GBP6: variants seen among roughly 807,000 people sequenced by gnomAD.
The protein encoded by GBP6 is guanylate-binding protein 6.
GBP6 carries 54 observed loss-of-function variants against 61.5 expected under a neutral mutation model. The observed-to-expected ratio is 0.88, with a 90% CI of 0.71 to 1.10. The LOEUF is 1.10. GBP6 is among the 50% of genes least tolerant of loss of function. GBP6 has a pLI of 0.00. For synonymous variants in GBP6, 255 were observed against 273.7 expected (o/e 0.93, Z 0.67); for missense variants, 748 against 752.8 (o/e 0.99, Z 0.07).
At position 89,386,308 on chromosome 1, in the gene GBP6, A is replaced by G. The variant is rs1478896494; in HGVS notation, c.*839A>G. On this transcript the variant is annotated 3_prime_UTR_variant, in exon 11 of 11. Transcript: ENST00000370456. The stretch of plus-strand genomic sequence containing the variant: ...TATTGGCTCCTTCTGGGAAGAACCA[A>G]GTGAATGTAGGGGTTGAAGGAACAC... 6.6e-6 allele frequency: 1 copy of G among 152,234 alleles called. No homozygotes were observed. The highest frequency in any genetic ancestry group is 1.5e-5 in the Non-Finnish European group (1 of 68,048). 9.4% of individuals were successfully genotyped at this position (152,234 alleles called of 1,614,324 possible). A position where few individuals can be genotyped will look rare whatever the true frequency, so the allele number is the denominator to read the frequency against.
chr1:89,383,531 G>T, intron 8 of GBP6, 121 bp from the exon 9 acceptor site: 3 of 693,558 alleles, frequency 4.3e-6, no homozygotes, highest in East Asian at 2.7e-5. Context: ...CACTTTGTAG[G>T]GGGCCACTTT....
Position 89,385,691 on chromosome 1 carries a change from C to A in GBP6, c.*222C>A. On this transcript the variant is annotated 3_prime_UTR_variant, in exon 11 of 11. Transcript: ENST00000370456. ...GGGATTATAGGTGTACACCACCACA[C>A]CCAGCTAATTTTTGTATTTTTAGTA... The A allele has an allele frequency of 2.5e-6, 1 of 404,584 alleles. No individual in the cohort carries two copies. The allele number at this position is 404,584 out of a possible 1,614,324, so 25.1% of individuals were successfully genotyped here.
At chr1:89,367,888 G>C (rs182776972) in intron 1 of GBP6, among the ~76,000 whole-genome samples, 12 of 152,330 alleles carry the variant, frequency 7.9e-5, no homozygotes, top group Admixed American at 4.6e-4. Flanking sequence ...CTATGTCACT[G>C]AGTGGAGTGG....
At position 89,382,817 on chromosome 1, in the gene GBP6, A is replaced by C. The variant is rs750194971; in HGVS notation, c.1306A>C (p.Met436Leu). The C allele has an allele frequency of 1.9e-6, 3 of 1,614,036 alleles. No individual in the cohort carries two copies. Among genetic ancestry groups the C allele is most frequent in the Admixed American group, 1.7e-5 (1 of 60,014 alleles). The part of the protein sequence containing the change: ...FSVPGGHKLY[M>L]ETKERIEQDY... ...TGTTCCTGGAGGGCACAAGCTCTAC[A>C]TGGAAACAAAGGAAAGGATTGAACA... Residue 436 changes from methionine (M) to leucine (L), a missense_variant, in exon 8 of 11, where the codon ATG becomes CTG. Met to Leu is a conservative substitution (Grantham distance 15). Transcript: ENST00000370456.
intron 6 of GBP6, 24 bp downstream of exon 6, chr1:89,380,655 G>A: frequency 6.2e-7 from 1 of 1,608,872 alleles, no homozygotes; most frequent in Non-Finnish European, 8.5e-7. Context: ...TTACTTTTCT[G>A]TGGGGCCTCA....
At chr1:89,371,013 G>A (rs1341117069) in intron 3 of GBP6, among the ~76,000 whole-genome samples, 2 of 152,012 alleles carry the variant, frequency 1.3e-5, no homozygotes, top group African/African-American at 4.8e-5. Context: ...CCCAGCCCCT[G>A]GCAACCACTA....
chr1:89,377,022 G>A (rs1267188804), intron 3 of GBP6, among the ~76,000 whole-genome samples: 1 of 151,960 alleles, frequency 6.6e-6, no homozygotes, highest in Admixed American at 6.6e-5. Context: ...AAAATGAATA[G>A]GCTATTCTTC....
rs576630703 is a variant in GBP6, at chr1:89,364,676, AG to A, written c.-24+555del. Among the ~76,000 whole-genome samples the A allele has an allele frequency of 1.4e-4, 11 of 80,902 alleles. No homozygotes were observed. The East Asian group carries it at 2.8e-3, about 20-fold the overall frequency. 53.1% of individuals were successfully genotyped at this position (80,902 alleles called of 152,430 possible). Reference sequence around the variant, plus strand: ...GTGTGTGGGGAGGGGGTGGGGGAGGAGGGGGGTGTTAGTTTCCCATAGGAAC... The same window carrying A: ...GTGTGTGGGGAGGGGGTGGGGGAGGAGGGGGTGTTAGTTTCCCATAGGAAC... On this transcript the variant is annotated intron_variant, in intron 1 of 10. Coordinates refer to ENST00000370456, the MANE Select transcript of GBP6 (RefSeq NM_198460.3).
intron 1 of GBP6, among the ~76,000 whole-genome samples, chr1:89,366,586 A>G (rs1304124950): frequency 2.6e-5 from 4 of 152,216 alleles, no homozygotes; most frequent in Non-Finnish European, 5.9e-5. Flanking sequence ...TAGCATAACC[A>G]CTGTCTTTGA....
chr1:89,368,403 C>T lies in GBP6; in HGVS notation c.-23-126C>T. On this transcript the variant is annotated intron_variant, in intron 1 of 10. Transcript: ENST00000370456. ...GGAGAGTGATAAAAGAAGCCTTGTG[C>T]AGTCAGCTAATGCTAGATTACATGT... 6.6e-6 allele frequency: 4 copies of T among 603,948 alleles called. No homozygotes were observed. The South Asian group carries it at 7.4e-5, about 11-fold the overall frequency. The allele number at this position is 603,948 out of a possible 1,614,324, so 37.4% of individuals were successfully genotyped here. A position where few individuals can be genotyped will look rare whatever the true frequency, so the allele number is the denominator to read the frequency against.
At chr1:89,385,170 G>A in intron 10 of GBP6, 60 bp from the exon 11 acceptor site, 1 of 1,451,256 alleles carries the variant, frequency 6.9e-7, no homozygotes, top group Non-Finnish European at 9.4e-7. Context: ...AATACAAAAT[G>A]TAAGTCTTAA....
In GBP6 at chr1:89,378,447, G is replaced by C; in HGVS notation, c.459G>C (p.Lys153Asn). The change falls in exon 5 of 11, where the codon AAG becomes AAC. Residue 153 changes from lysine (K) to asparagine (N), a missense_variant. Physicochemically the swap from Lys to Asn is moderately conservative, Grantham distance 94. Transcript: ENST00000370456. ...HYVTELTELIKAKSSPRPDGV... is the reference protein window; with the variant it reads ...HYVTELTELINAKSSPRPDGV... ...TGACGGAGCTCACAGAACTAATTAA[G>C]GCAAAGTCCTCCCCAAGGCCTGATG... The C allele has an allele frequency of 1.2e-6, 2 of 1,614,080 alleles. No individual in the cohort carries two copies. The highest frequency in any genetic ancestry group is 1.7e-6 in the Non-Finnish European group (2 of 1,179,988).
At chr1:89,366,202 CTA>C (rs1466385801) in intron 1 of GBP6, among the ~76,000 whole-genome samples, 2 of 152,144 alleles carry the variant, frequency 1.3e-5, no homozygotes, top group African/African-American at 4.8e-5. Context: ...CTCTCTCTCT[CTA>C]GATATCTATA....
chr1:89,384,015 G>A (rs928655), intron 9 of GBP6, 78 bp from the exon 10 acceptor site: 1,000,781 of 1,371,602 alleles, frequency 0.73, 372,240 homozygotes, highest in Middle Eastern at 0.78. Context: ...TTCAGATTTG[G>A]TTTAGTCTCA....
chr1:89,387,294 A>G lies in GBP6; in HGVS notation c.*1825A>G, dbSNP rs1653169496. Among the ~76,000 whole-genome samples the G allele has an allele frequency of 6.6e-6, 1 of 152,208 alleles. No homozygotes were observed. The highest frequency in any genetic ancestry group is 2.4e-5 in the African/African-American group (1 of 41,462). Reference sequence around the variant, plus strand: ...CTTGGAATCAGGATCCAAGTTGCCCATGGTACCTAGATCATGGAGAGTCAT... The same window carrying G: ...CTTGGAATCAGGATCCAAGTTGCCCGTGGTACCTAGATCATGGAGAGTCAT... On this transcript the variant is annotated 3_prime_UTR_variant, in exon 11 of 11. Transcript: ENST00000370456.
At chr1:89,370,856 C>T (rs1652615132) in intron 3 of GBP6, among the ~76,000 whole-genome samples, 1 of 152,092 alleles carries the variant, frequency 6.6e-6, no homozygotes, top group South Asian at 2.1e-4. Context: ...CAATTAAGAT[C>T]TGTCCTCTTA....
intron 2 of GBP6, among the ~76,000 whole-genome samples, 179 bp downstream of exon 2, chr1:89,368,920 C>G (rs929689319): frequency 6.6e-6 from 1 of 152,050 alleles, no homozygotes; most frequent in Non-Finnish European, 1.5e-5. Context: ...ATATTTTTTC[C>G]CTCATTCCCA....
intron 3 of GBP6, among the ~76,000 whole-genome samples, chr1:89,373,221 C>T (rs1199326631): frequency 2.0e-5 from 3 of 152,002 alleles, no homozygotes; most frequent in Non-Finnish European, 4.4e-5. Flanking sequence ...TTGGTGGGAC[C>T]GTAAACTAGT....
At position 89,383,807 on chromosome 1, in the gene GBP6, C is replaced by A. The variant is rs547688637; in HGVS notation, c.1468+53C>A. 4.8e-6 allele frequency: 6 copies of A among 1,252,898 alleles called. No homozygotes were observed. The South Asian group carries it at 6.6e-5, about 14-fold the overall frequency. 77.6% of individuals were successfully genotyped at this position (1,252,898 alleles called of 1,614,324 possible). On this transcript the variant is annotated intron_variant, in intron 9 of 10. Transcript: ENST00000370456. ...GAGGGGTACGTTTATACAATGCCCT[C>A]TAACAGATCTAACAGGAAAACCTTC...
Sources: gnomAD v4.1 joint callset for allele counts (sites outside exome capture counted in the v4.1 genomes callset) on GRCh38, gnomAD v4.1.1 for gene constraint, MANE v1.5 for transcripts, NCBI Gene and HGNC (gene_info 2026-07-23, HGNC 2026-07-21) for gene names.